TRAF7: variants seen among roughly 807,000 people sequenced by gnomAD.
TRAF7 encodes TNF receptor associated factor 7.
Under a neutral mutation model 89.3 loss-of-function variants are expected in TRAF7, and 45 were observed. The observed-to-expected ratio is 0.50, with a 90% CI of 0.40 to 0.65. TRAF7 has a LOEUF of 0.65. TRAF7 is among the 30% of genes least tolerant of loss of function. The pLI, the probability that TRAF7 is intolerant of heterozygous loss-of-function variation, is 0.00. For missense variants in TRAF7, 677 were observed against 918.1 expected (o/e 0.74, Z 3.39); for synonymous variants, 406 against 369.2 (o/e 1.10, Z -1.14).
At chr16:2,171,541 C>A in intron 6 of TRAF7, 31 bp from the exon 7 acceptor site, 1 of 1,613,114 alleles carries the variant, frequency 6.2e-7, no homozygotes, top group Non-Finnish European at 8.5e-7. Context: ...GGACCCTGCG[C>A]CACCCTCAAG....
Position 2,159,256 on chromosome 16 carries a change from C to G in TRAF7, c.-39+3398C>G, listed in dbSNP as rs1167939946. On this transcript the variant is annotated intron_variant, in intron 1 of 20. Coordinates refer to ENST00000326181, the MANE Select transcript of TRAF7 (RefSeq NM_032271.3). The surrounding 1 kb of genome is among the most constrained non-coding windows in gnomAD (Gnocchi z 6.5). ...GAGGAGTTCAGAGGCCTCTGCAGAG[C>G]TGGGGCTGTGGGTGTTGGGGGCAGG... Among the ~76,000 whole-genome samples, 1 of 151,898 alleles carries G rather than the reference C, an allele frequency of 6.6e-6. No homozygotes were observed. The highest frequency in any genetic ancestry group is 1.5e-5 in the Non-Finnish European group (1 of 67,970).
At position 2,164,002 on chromosome 16, in the gene TRAF7, G is replaced by T. The variant is rs1054158127; in HGVS notation, c.81+1G>T. On this transcript the variant is annotated splice_donor_variant, in intron 2 of 20. Transcript: ENST00000326181. LOFTEE classifies it high-confidence loss of function. ...TCCCACCCCAGACGTCACCACAGGG[G>T]TAAGGGTGTGCCCCTCTGCAAGCCC... 2 of 1,609,518 alleles carry T rather than the reference G, an allele frequency of 1.2e-6. No homozygotes were observed. The highest frequency in any genetic ancestry group is 1.7e-6 in the Non-Finnish European group (2 of 1,178,204).
At chr16:2,170,017 G>T (rs960208537) in intron 4 of TRAF7, among the ~76,000 whole-genome samples, 1 of 152,160 alleles carries the variant, frequency 6.6e-6, no homozygotes, top group Non-Finnish European at 1.5e-5. Context: ...AGGCTCCCTT[G>T]TCGGTGGCTC....
Position 2,158,824 on chromosome 16 carries a change from T to A in TRAF7, c.-39+2966T>A, listed in dbSNP as rs2093046691. ...TCTTGGGCAAAGCTCACGACCTGTTTCTGAGAGTCTGAGGCCCACTTGACT... is the reference window on the plus strand; with the variant it reads ...TCTTGGGCAAAGCTCACGACCTGTTACTGAGAGTCTGAGGCCCACTTGACT... On this transcript the variant is annotated intron_variant, in intron 1 of 20. Transcript: ENST00000326181. This position sits in a 1 kb window ranked among gnomAD's most constrained non-coding sequence, Gnocchi z 4.7. Among the ~76,000 whole-genome samples the A allele has an allele frequency of 3.3e-5, 5 of 151,558 alleles. No individual in the cohort carries two copies. The highest frequency in any genetic ancestry group is 4.4e-5 in the Non-Finnish European group (3 of 67,866).
Position 2,165,955 on chromosome 16 carries a change from G to GC in TRAF7, c.139+21dup, listed in dbSNP as rs2093085135. The GC allele has an allele frequency of 1.2e-6, 2 of 1,613,866 alleles. No homozygotes were observed. Among genetic ancestry groups the GC allele is most frequent in the African/African-American group, 2.7e-5 (2 of 74,936 alleles). On this transcript the variant is annotated intron_variant, in intron 3 of 20. Coordinates refer to ENST00000326181, the MANE Select transcript of TRAF7 (RefSeq NM_032271.3). ...ACAAAAGGTGAGCCCTTAAGCCAAG[G>GC]CCAGCCCAGGCTGGGAATAACCGGG... is the stretch of plus-strand genomic sequence containing the variant.
intron 7 of TRAF7, 78 bp from the exon 8 acceptor site, chr16:2,172,113 A>G (rs1438097873): frequency 1.3e-6 from 2 of 1,568,038 alleles, no homozygotes; most frequent in African/African-American, 1.4e-5. Flanking sequence ...TCTGGCCCCC[A>G]TTAGAGGCTC....
intron 5 of TRAF7, 23 bp downstream of exon 5, chr16:2,170,753 A>G: frequency 1.3e-6 from 2 of 1,576,990 alleles, no homozygotes; most frequent in East Asian, 2.3e-5. Context: ...GACTCGGCGC[A>G]GAGCGGCTTC....
intron 2 of TRAF7, among the ~76,000 whole-genome samples, chr16:2,165,460 G>A (rs1311428784): frequency 1.5e-5 from 2 of 131,860 alleles, no homozygotes; most frequent in African/African-American, 3.1e-5. Context: ...GGCCTGGCCT[G>A]GTCGCATGGT....
rs577452391 is a variant in TRAF7, at chr16:2,161,566, G to A, written c.-38-2317G>A. Among the ~76,000 whole-genome samples, 79 of 152,250 alleles carry A rather than the reference G, an allele frequency of 5.2e-4. No individual in the cohort carries two copies. Among genetic ancestry groups the A allele is most frequent in the Middle Eastern group, 3.4e-3 (1 of 294 alleles). ...GGCTTGCAGCTGGCCCTGGGGCCCC[G>A]GAAGCTTGCAGTACAGGGAGCTGAT... is the stretch of plus-strand genomic sequence containing the variant. On this transcript the variant is annotated intron_variant, in intron 1 of 20. Transcript: ENST00000326181. The surrounding 1 kb of genome is among the most constrained non-coding windows in gnomAD (Gnocchi z 5.2).
intron 4 of TRAF7, among the ~76,000 whole-genome samples, chr16:2,170,086 C>T (rs2093101943): frequency 6.6e-6 from 1 of 152,188 alleles, no homozygotes; most frequent in Admixed American, 6.5e-5. Context: ...AGCCGAGGTT[C>T]TCTGGGGGCC....
intron 14 of TRAF7, 75 bp downstream of exon 14, chr16:2,174,408 C>A: frequency 1.4e-6 from 2 of 1,457,244 alleles, no homozygotes; most frequent in Non-Finnish European, 1.9e-6. Context: ...GGGCCGTGAG[C>A]CATGAGCTCG....
chr16:2,164,541 G>A (rs2093074274), intron 2 of TRAF7, among the ~76,000 whole-genome samples: 1 of 140,624 alleles, frequency 7.1e-6, no homozygotes, highest in African/African-American at 2.7e-5. Context: ...GCGTGTGAGT[G>A]CTGCGTGGCC....
chr16:2,176,949 G>A lies in TRAF7; in HGVS notation c.*375G>A, dbSNP rs1267311406. 4.5e-6 allele frequency: 2 copies of A among 441,770 alleles called. No individual in the cohort carries two copies. The highest frequency in any genetic ancestry group is 8.4e-6 in the Non-Finnish European group (2 of 237,030). The allele number at this position is 441,770 out of a possible 1,614,324, so 27.4% of individuals were successfully genotyped here. ...GCTCCACAGACTGTGGCTGTGAGTGGGGACAGCTCCTCGGGACAAGGGGGC... is the reference window on the plus strand; with the variant it reads ...GCTCCACAGACTGTGGCTGTGAGTGAGGACAGCTCCTCGGGACAAGGGGGC... On this transcript the variant is annotated 3_prime_UTR_variant, in exon 21 of 21. Coordinates refer to ENST00000326181, the MANE Select transcript of TRAF7 (RefSeq NM_032271.3).
chr16:2,170,369 G>A (rs1447624237), intron 4 of TRAF7, among the ~76,000 whole-genome samples: 1 of 152,264 alleles, frequency 6.6e-6, no homozygotes, highest in Non-Finnish European at 1.5e-5. Context: ...ACAAAGAGAG[G>A]TGGCAGGCGT....
Position 2,176,762 on chromosome 16 carries a change from C to A in TRAF7, c.*188C>A. The A allele has an allele frequency of 1.2e-6, 1 of 815,756 alleles. No individual in the cohort carries two copies. 50.5% of individuals were successfully genotyped at this position (815,756 alleles called of 1,614,324 possible). On this transcript the variant is annotated 3_prime_UTR_variant, in exon 21 of 21. Coordinates refer to ENST00000326181, the MANE Select transcript of TRAF7 (RefSeq NM_032271.3). ...CTCCCTCTACTCGGCACTGTCCTTG[C>A]TGCCCAGCCCCTCTCTGGGTGCCAG...
In TRAF7 at chr16:2,176,708, G is replaced by A; in HGVS notation, c.*134G>A. On this transcript the variant is annotated 3_prime_UTR_variant, in exon 21 of 21. Transcript: ENST00000326181. ...GTGGACAGGCTCTGGCAGCCGGGCA[G>A]TGCCCTCCCCGTCCCATGCTCGGCG... 1 of 1,340,198 alleles carries A rather than the reference G, an allele frequency of 7.5e-7. No homozygotes were observed. Among genetic ancestry groups the A allele is most frequent in the Non-Finnish European group, 1.0e-6 (1 of 953,148 alleles). The allele number at this position is 1,340,198 out of a possible 1,614,324, so 83.0% of individuals were successfully genotyped here.
rs1188900805 is a variant in TRAF7, at chr16:2,165,760, AGT to A, written c.82-113_82-112del. 5 of 1,146,614 alleles carry A rather than the reference AGT, an allele frequency of 4.4e-6. No homozygotes were observed. In the East Asian group the frequency reaches 9.6e-5, roughly 22 times the overall value. The allele number at this position is 1,146,614 out of a possible 1,614,324, so 71.0% of individuals were successfully genotyped here. On this transcript the variant is annotated intron_variant, in intron 2 of 20. Coordinates refer to ENST00000326181, the MANE Select transcript of TRAF7 (RefSeq NM_032271.3). ...GTGGCGTGGCCTGGTCGCATGGTTAAGTGTGTGAGTGCTGCGTGGCCTGGCCT... is the reference window on the plus strand; with the variant it reads ...GTGGCGTGGCCTGGTCGCATGGTTAAGTGTGAGTGCTGCGTGGCCTGGCCT...
At chr16:2,173,457 A>AC (rs1156484544) in intron 10 of TRAF7, 24 bp from the exon 11 acceptor site, 2 of 1,612,648 alleles carry the variant, frequency 1.2e-6, no homozygotes, top group Non-Finnish European at 1.7e-6. Context: ...CACCAGTGAC[A>AC]CCCCCTCTCC....
At chr16:2,160,135 G>A (rs2093051625) in intron 1 of TRAF7, among the ~76,000 whole-genome samples, 1 of 152,240 alleles carries the variant, frequency 6.6e-6, no homozygotes, top group Admixed American at 6.5e-5. Context: ...GGTGCCCCCA[G>A]GGCCCCGGAA....
Sources: allele counts gnomAD v4.1 joint callset (sites outside exome capture counted in the v4.1 genomes callset), GRCh38; gene constraint gnomAD v4.1.1; non-coding constraint Gnocchi (gnomAD v3.1); transcripts MANE v1.5; gene names NCBI Gene and HGNC (gene_info 2026-07-23, HGNC 2026-07-21).